Variants in FRY observed in about 807,000 individuals in gnomAD.
FRY encodes FRY microtubule binding protein.
A neutral mutation model predicts 348.4 loss-of-function variants in FRY; 128 were observed. That is an observed-to-expected ratio of 0.37 (90% confidence interval 0.32 to 0.43). The LOEUF (loss-of-function observed/expected upper bound fraction) is 0.43. Among genes scored for constraint, FRY ranks in the 20% least tolerant of loss-of-function variants. The pLI is 1.00. For missense variants in FRY, 2,736 were observed against 3,695.2 expected, an observed-to-expected ratio of 0.74 and a Z score of 6.73; for synonymous variants, 1,370 against 1,374.7, an observed-to-expected ratio of 1.00 and a Z score of 0.08.
At chr13:32,157,560 CTATAA>C (rs2138166691) in intron 16 of FRY, among the ~76,000 whole-genome samples, 155 bp downstream of exon 16, 1 of 152,066 alleles carries the variant, frequency 6.6e-6, no homozygotes, top group South Asian at 2.1e-4. Context: ...ATTTGATTAA[CTATAA>C]AAATAAGGTC....
chr13:32,152,310 C>A (rs1880846085), intron 14 of FRY, among the ~76,000 whole-genome samples: 1 of 151,956 alleles, frequency 6.6e-6, no homozygotes, highest in African/African-American at 2.4e-5. Context: ...CTAGAATAAC[C>A]AACATAATTT....
chr13:32,255,813 C>T (rs1315041966), intron 51 of FRY, among the ~76,000 whole-genome samples: 3 of 152,200 alleles, frequency 2.0e-5, no homozygotes, highest in East Asian at 1.9e-4. Flanking sequence ...CAGAGTTCAG[C>T]TAGTGTCAAA....
intron 2 of FRY, among the ~76,000 whole-genome samples, chr13:32,089,425 A>G (rs1566064388): frequency 1.3e-5 from 2 of 152,184 alleles, no homozygotes; most frequent in Non-Finnish European, 2.9e-5. Context: ...TGATTCAGCC[A>G]TGAAGAATGT....
At chr13:32,276,660 T>G (rs955548573) in intron 57 of FRY, 98 bp downstream of exon 57, 3 of 761,212 alleles carry the variant, frequency 3.9e-6, no homozygotes, top group African/African-American at 1.7e-5. Context: ...CTTAAGACTT[T>G]CAGACTTCAT....
intron 1 of FRY, among the ~76,000 whole-genome samples, chr13:32,055,378 C>A (rs2138420559): frequency 6.6e-6 from 1 of 152,222 alleles, no homozygotes; most frequent in East Asian, 1.9e-4. Flanking sequence ...CCTATGGATT[C>A]CTCTACGTGG....
In FRY at chr13:32,135,006, A is replaced by G. The variant is rs1879613410; in HGVS notation, c.978+10A>G. The G allele has an allele frequency of 2.5e-6, 4 of 1,595,490 alleles. No homozygotes were observed. Among genetic ancestry groups the G allele is most frequent in the Non-Finnish European group, 3.4e-6 (4 of 1,163,122 alleles). On this transcript the variant is annotated intron_variant, in intron 9 of 60. Transcript: ENST00000542859. ...TGTTCCAGTTGCTGCTGTGAGTTTC[A>G]TTTCTAAAAACTCCTTCAAATTGTA...
chr13:32,081,074 C>G (rs1319966653), intron 2 of FRY, among the ~76,000 whole-genome samples: 1 of 151,990 alleles, frequency 6.6e-6, no homozygotes, highest in Admixed American at 6.5e-5. Flanking sequence ...GTTTTTTCTT[C>G]TTGGAATAAG....
intron 57 of FRY, 58 bp from the exon 58 acceptor site, chr13:32,278,407 A>G: frequency 6.6e-6 from 6 of 915,644 alleles, no homozygotes; most frequent in Non-Finnish European, 9.2e-6. Flanking sequence ...GAATTATACC[A>G]AAAATGTTCT....
At chr13:32,107,223 G>A (rs544767986) in intron 3 of FRY, among the ~76,000 whole-genome samples, 282 of 152,316 alleles carry the variant, frequency 1.9e-3, no homozygotes, top group African/African-American at 6.3e-3. Flanking sequence ...CAGACGTGGT[G>A]GCACGTGCCT....
chr13:32,147,479 T>C (rs937593152), intron 12 of FRY, 94 bp downstream of exon 12: 2 of 751,356 alleles, frequency 2.7e-6, no homozygotes, highest in African/African-American at 3.5e-5. Context: ...AACTAGAAGC[T>C]ATTCAAAGCT....
chr13:32,165,219 A>G (rs1043722270), intron 17 of FRY, among the ~76,000 whole-genome samples: 1 of 152,200 alleles, frequency 6.6e-6, no homozygotes, highest in Non-Finnish European at 1.5e-5. Flanking sequence ...TATTTGTAGA[A>G]ACTTCTAAGA....
At chr13:32,286,955 C>T (rs1215636319) in intron 58 of FRY, among the ~76,000 whole-genome samples, 2 of 150,980 alleles carry the variant, frequency 1.3e-5, no homozygotes, top group South Asian at 2.1e-4. Context: ...GTCAGGAGTT[C>T]GAGACCAGCC....
At position 32,039,491 on chromosome 13, in the gene FRY, C is replaced by T. The variant is rs553862366; in HGVS notation, c.70+7626C>T. Among the ~76,000 whole-genome samples the T allele has an allele frequency of 1.4e-3, 115 of 84,604 alleles. No homozygotes were observed. The Middle Eastern group carries it at 0.027, about 20-fold the overall frequency. 55.5% of individuals were successfully genotyped at this position (84,604 alleles called of 152,430 possible). ...TCTTTCTCTCTCTGTCTCTCTCCCACCTCCCCCCCCATACGTGTGTGAGAG... is the reference window on the plus strand; with the variant it reads ...TCTTTCTCTCTCTGTCTCTCTCCCATCTCCCCCCCCATACGTGTGTGAGAG... On this transcript the variant is annotated intron_variant, in intron 1 of 60. Coordinates refer to ENST00000542859, the MANE Select transcript of FRY (RefSeq NM_023037.3).
intron 16 of FRY, among the ~76,000 whole-genome samples, chr13:32,160,649 A>G (rs1216530605): frequency 1.3e-5 from 2 of 152,166 alleles, no homozygotes; most frequent in Middle Eastern, 3.2e-3. Flanking sequence ...ACTTATTTTG[A>G]AAGATTTATT....
At position 32,296,310 on chromosome 13, in the gene FRY, C is replaced by T; in HGVS notation, c.*850C>T. The T allele has an allele frequency of 6.6e-6, 1 of 152,494 alleles. No homozygotes were observed. 9.4% of individuals were successfully genotyped at this position (152,494 alleles called of 1,614,324 possible). A position where few individuals can be genotyped will look rare whatever the true frequency, so the allele number is the denominator to read the frequency against. The stretch of plus-strand genomic sequence containing the variant: ...CAAGATAAATTCCAAGTCTTTTCAC[C>T]TGTCAGGCATGCATATTTTAATATC... On this transcript the variant is annotated 3_prime_UTR_variant, in exon 61 of 61. Transcript: ENST00000542859.
intron 55 of FRY, among the ~76,000 whole-genome samples, chr13:32,272,692 G>C (rs1317472471): frequency 2.0e-5 from 3 of 152,142 alleles, no homozygotes; most frequent in African/African-American, 4.8e-5. Context: ...TTGTGCACTA[G>C]AAGTTCAGGG....
At chr13:32,224,482 ATTATC>A (rs1255214317) in intron 37 of FRY, 97 bp downstream of exon 37, 7 of 1,106,086 alleles carry the variant, frequency 6.3e-6, no homozygotes, top group Non-Finnish European at 9.2e-6. Context: ...ACCACATTAA[ATTATC>A]TTATCAATCA....
intron 51 of FRY, 107 bp downstream of exon 51, chr13:32,254,501 T>G: frequency 8.9e-7 from 1 of 1,121,294 alleles, no homozygotes; most frequent in Non-Finnish European, 1.3e-6. Flanking sequence ...GATCTTTAAT[T>G]GGAAAGTTGT....
At chr13:32,228,763 C>T in intron 40 of FRY, 109 bp downstream of exon 40, 1 of 914,004 alleles carries the variant, frequency 1.1e-6, no homozygotes, top group Non-Finnish European at 1.8e-6. Flanking sequence ...CTAACAAAGT[C>T]CTGTTTCTCT....
Sources: gnomAD v4.1 joint callset for allele counts (sites outside exome capture counted in the v4.1 genomes callset) on GRCh38, gnomAD v4.1.1 for gene constraint, MANE v1.5 for transcripts, NCBI Gene and HGNC (gene_info 2026-07-23, HGNC 2026-07-21) for gene names.